Variants in GPR39 observed in about 807,000 individuals in gnomAD.
GPR39 encodes the protein zinc sensing receptor.
A neutral mutation model predicts 18.4 loss-of-function variants in GPR39; 23 were observed. The observed-to-expected ratio is 1.25, with a 90% CI of 0.90 to 1.77. The LOEUF (loss-of-function observed/expected upper bound fraction) is 1.77. Among genes scored for constraint, GPR39 ranks in the 40% most tolerant of loss-of-function variants. The pLI is 0.00. For synonymous variants in GPR39, 280 were observed against 257.9 expected (o/e 1.09, Z -0.82); for missense variants, 647 against 602.4 (o/e 1.07, Z -0.78).
chr2:132,435,876 A>ATG (rs1484599032), intron 1 of GPR39, among the ~76,000 whole-genome samples: 2 of 152,166 alleles, frequency 1.3e-5, no homozygotes, highest in African/African-American at 4.8e-5. Context: ...TGTGAAGATT[A>ATG]TATAGTAAAG....
intron 1 of GPR39, among the ~76,000 whole-genome samples, chr2:132,451,093 A>G (rs898240688): frequency 6.6e-6 from 1 of 151,308 alleles, no homozygotes; most frequent in East Asian, 1.9e-4. Context: ...ATTTTTTAGC[A>G]TGGGGCTGTG....
chr2:132,417,306 C>G lies in GPR39; in HGVS notation c.264C>G (p.Pro88=). ...TCTTGGTGTTCCTCATCGGCATGCC[C>G]ATGGAGTTCTACAGCATCATCTGGA... ...SDILVFLIGM[P]MEFYSIIWNP... Residue 88 remains proline (P), a synonymous_variant, in exon 1 of 2, where the codon CCC becomes CCG. Coordinates refer to ENST00000329321, the MANE Select transcript of GPR39 (RefSeq NM_001508.3). 6.2e-7 allele frequency: 1 copy of G among 1,614,164 alleles called. No individual in the cohort carries two copies. Among genetic ancestry groups the G allele is most frequent in the Non-Finnish European group, 8.5e-7 (1 of 1,180,030 alleles).
At chr2:132,531,158 T>G (rs532437404) in intron 1 of GPR39, among the ~76,000 whole-genome samples, 19 of 152,086 alleles carry the variant, frequency 1.2e-4, no homozygotes, top group African/African-American at 3.4e-4. Flanking sequence ...GATGGAGGAA[T>G]ATCTACCAAG....
rs115521297 is a variant in GPR39, at chr2:132,502,566, A to G, written c.856+84668A>G. Among the ~76,000 whole-genome samples, 1,345 of 152,292 alleles carry G rather than the reference A, an allele frequency of 8.8e-3. 21 individuals are homozygous for G. The highest frequency in any genetic ancestry group is 0.031 in the African/African-American group (1,306 of 41,558). Reference sequence around the variant, plus strand: ...GTATGTAGGCGATGATCTCTTTGCAATGAATTTCCCAAGTGTTCTTTGGGC... The same window carrying G: ...GTATGTAGGCGATGATCTCTTTGCAGTGAATTTCCCAAGTGTTCTTTGGGC... On this transcript the variant is annotated intron_variant, in intron 1 of 1. Coordinates refer to ENST00000329321, the MANE Select transcript of GPR39 (RefSeq NM_001508.3).
At chr2:132,465,038 T>G (rs1191293477) in intron 1 of GPR39, among the ~76,000 whole-genome samples, 6 of 152,238 alleles carry the variant, frequency 3.9e-5, no homozygotes, top group Admixed American at 3.9e-4. Context: ...TGATTTGACT[T>G]GCTTATTCAC....
At chr2:132,574,297 T>C (rs1680493845) in intron 1 of GPR39, among the ~76,000 whole-genome samples, 1 of 152,262 alleles carries the variant, frequency 6.6e-6, no homozygotes, top group African/African-American at 2.4e-5. Context: ...AGCTTCTCTC[T>C]AATTCACATA....
chr2:132,436,796 G>A (rs537067792), intron 1 of GPR39, among the ~76,000 whole-genome samples: 1 of 152,312 alleles, frequency 6.6e-6, no homozygotes, highest in South Asian at 2.1e-4. Context: ...CTCTGCCTCA[G>A]TTTCCATCAA....
chr2:132,477,629 T>C (rs1316344454), intron 1 of GPR39, among the ~76,000 whole-genome samples: 1 of 152,204 alleles, frequency 6.6e-6, no homozygotes, highest in African/African-American at 2.4e-5. Flanking sequence ...ACTCATTTTG[T>C]AATAAGTTAT....
At chr2:132,563,186 T>C (rs529956099) in intron 1 of GPR39, among the ~76,000 whole-genome samples, 1 of 152,354 alleles carries the variant, frequency 6.6e-6, no homozygotes, top group East Asian at 1.9e-4. Context: ...AGCTTCACTA[T>C]TGGCAGAACA....
chr2:132,442,471 A>G (rs574919711), intron 1 of GPR39, among the ~76,000 whole-genome samples: 1 of 152,230 alleles, frequency 6.6e-6, no homozygotes, highest in Non-Finnish European at 1.5e-5. Context: ...CGCCATTAAC[A>G]CCGCTCAGGC....
intron 1 of GPR39, among the ~76,000 whole-genome samples, chr2:132,508,629 A>G (rs1679179990): frequency 6.6e-6 from 1 of 152,228 alleles, no homozygotes; most frequent in African/African-American, 2.4e-5. Context: ...GGAGGACAGC[A>G]TCTTGTTAAG....
Position 132,645,355 on chromosome 2 carries a change from G to A in GPR39, c.1111G>A (p.Glu371Lys), listed in dbSNP as rs1289600237. ...CCTGTCGCTGCAGCACGCCAACCAC[G>A]AGAAGCGCCTGCGCGTACATGCGCA... Reference protein sequence around the residue: ...CRLSLQHANHEKRLRVHAHST... With the variant: ...CRLSLQHANHKKRLRVHAHST... The change falls in exon 2 of 2, where the codon GAG becomes AAG. Residue 371 changes from glutamate (E) to lysine (K), a missense_variant. Around this residue, in one of 3 missense-constraint regions of GPR39, gnomAD observed 581 missense variants for 506.8 expected, o/e 1.15. Transcript: ENST00000329321. 6 of 1,614,098 alleles carry A rather than the reference G, an allele frequency of 3.7e-6. No individual in the cohort carries two copies. The highest frequency in any genetic ancestry group is 1.1e-5 in the South Asian group (1 of 91,076).
chr2:132,645,690 C>G lies in GPR39; in HGVS notation c.*84C>G. 1 of 1,506,316 alleles carries G rather than the reference C, an allele frequency of 6.6e-7. No homozygotes were observed. Among genetic ancestry groups the G allele is most frequent in the Non-Finnish European group, 8.9e-7 (1 of 1,122,906 alleles). 93.3% of individuals were successfully genotyped at this position (1,506,316 alleles called of 1,614,324 possible). ...TCTCACTCTGCAGTCTCAAACTATG[C>G]CCCCATCAGGGATGGAATGGACACT... On this transcript the variant is annotated 3_prime_UTR_variant, in exon 2 of 2. Coordinates refer to ENST00000329321, the MANE Select transcript of GPR39 (RefSeq NM_001508.3).
chr2:132,520,730 A>T (rs1162849834), intron 1 of GPR39, among the ~76,000 whole-genome samples: 2 of 152,220 alleles, frequency 1.3e-5, no homozygotes, highest in Admixed American at 1.3e-4. Context: ...ATGCCTGAAC[A>T]GTCAGGAGTT....
chr2:132,625,584 G>A (rs12185667), intron 1 of GPR39, among the ~76,000 whole-genome samples: 2 of 152,140 alleles, frequency 1.3e-5, no homozygotes, highest in African/African-American at 2.4e-5. Context: ...AGAACAGAAG[G>A]GGGGGAAATG....
At chr2:132,637,917 T>C (rs571292298) in intron 1 of GPR39, among the ~76,000 whole-genome samples, 1 of 152,092 alleles carries the variant, frequency 6.6e-6, no homozygotes, top group Admixed American at 6.6e-5. Context: ...GAATAAATAA[T>C]GGGAAGGGAG....
intron 1 of GPR39, among the ~76,000 whole-genome samples, chr2:132,626,319 G>A (rs182963678): frequency 2.3e-3 from 355 of 152,228 alleles, no homozygotes; most frequent in African/African-American, 8.1e-3. Flanking sequence ...GGAATATTGG[G>A]GTTGGAGGGC....
chr2:132,502,347 G>C (rs1679057659), intron 1 of GPR39, among the ~76,000 whole-genome samples: 1 of 152,100 alleles, frequency 6.6e-6, no homozygotes. Context: ...GCTTAGTTTT[G>C]ATGGATACAA....
At chr2:132,621,610 G>A (rs569693644) in intron 1 of GPR39, among the ~76,000 whole-genome samples, 1 of 152,182 alleles carries the variant, frequency 6.6e-6, no homozygotes, top group African/African-American at 2.4e-5. Flanking sequence ...CACTTGTCAA[G>A]TTGCCATTTT....
Sources: gnomAD v4.1 joint callset for allele counts (sites outside exome capture counted in the v4.1 genomes callset) on GRCh38, gnomAD v4.1.1 for gene constraint, gnomAD v4.1.1 regional missense constraint, MANE v1.5 for transcripts, NCBI Gene and HGNC (gene_info 2026-07-23, HGNC 2026-07-21) for gene names.